CHTF8: variants seen among roughly 807,000 people sequenced by gnomAD.
The protein encoded by CHTF8 is chromosome transmission fidelity factor 8, also known as chromosome transmission fidelity protein 8 homolog.
Under a neutral mutation model 11.0 loss-of-function variants are expected in CHTF8, and 6 were observed. That is an observed-to-expected ratio of 0.55 (90% CI 0.30 to 1.08). The LOEUF is 1.08. Among genes scored for constraint, CHTF8 ranks in the 50% least tolerant of loss-of-function variants. The pLI, the probability that CHTF8 is intolerant of heterozygous loss-of-function variation, is 0.07. For synonymous variants in CHTF8, 53 were observed against 60.5 expected (o/e 0.88, Z 0.57); for missense variants, 140 against 153.1 (o/e 0.91, Z 0.45).
Position 69,120,583 on chromosome 16 carries a change from A to G in CHTF8, c.208T>C (p.Phe70Leu), listed in dbSNP as rs1597108992. 3 of 1,614,054 alleles carry G rather than the reference A, an allele frequency of 1.9e-6. No homozygotes were observed. The South Asian group carries it at 3.3e-5, about 18-fold the overall frequency. Reference protein sequence around the residue: ...YGKIIHLEKPFAVLVKHTPGD... With the variant: ...YGKIIHLEKPLAVLVKHTPGD... ...GGAGTGTGTTTGACAAGGACTGCAA[A>G]AGGTTTCTCCAGGTGGATGATTTTC... The change falls in exon 4 of 4, where the codon TTT becomes CTT. Residue 70 changes from phenylalanine (F) to leucine (L), a missense_variant. Coordinates refer to ENST00000448552, the MANE Select transcript of CHTF8 (RefSeq NM_001039690.5). The surrounding 1 kb of genome is among the most constrained non-coding windows in gnomAD (Gnocchi z 4.0).
Position 69,119,383 on chromosome 16 carries a change from G to A in CHTF8, c.*1042C>T, listed in dbSNP as rs1358679493. ...TACCCCCATGGGGCCAACTGGCCTT[G>A]AGAAATGAGCTGAATTAGGGCCTAT... On this transcript the variant is annotated 3_prime_UTR_variant, in exon 4 of 4. Transcript: ENST00000448552. 3 of 703,018 alleles carry A rather than the reference G, an allele frequency of 4.3e-6. No individual in the cohort carries two copies. The highest frequency in any genetic ancestry group is 7.8e-6 in the Non-Finnish European group (3 of 384,978). The allele number at this position is 703,018 out of a possible 1,614,324, so 43.5% of individuals were successfully genotyped here.
At chr16:69,130,086 T>C (rs1347695045) in intron 1 of CHTF8, among the ~76,000 whole-genome samples, 4 of 152,212 alleles carry the variant, frequency 2.6e-5, no homozygotes, top group African/African-American at 4.8e-5. Context: ...GGTCTCTGAA[T>C]TGTTAAATAT....
Position 69,121,428 on chromosome 16 carries a change from G to GTAC in CHTF8, c.23+5_23+7dup. Reference sequence around the variant, plus strand: ...AAGCCAAATTTTAAAATCTCAAAATGTACTTACCTGGAAATAACAATTTGC... The same window carrying GTAC: ...AAGCCAAATTTTAAAATCTCAAAATGTACTACTTACCTGGAAATAACAATTTGC... On this transcript the variant is annotated splice_region_variant and intron_variant, in intron 2 of 3. Transcript: ENST00000448552. The GTAC allele has an allele frequency of 6.2e-7, 1 of 1,605,838 alleles. No homozygotes were observed. The highest frequency in any genetic ancestry group is 1.3e-5 in the African/African-American group (1 of 74,410).
At chr16:69,128,769 T>C (rs1306866806) in intron 1 of CHTF8, among the ~76,000 whole-genome samples, 1 of 152,080 alleles carries the variant, frequency 6.6e-6, no homozygotes, top group Non-Finnish European at 1.5e-5. Context: ...TTAGTAACTA[T>C]TATTATAAAA....
Position 69,118,331 on chromosome 16 carries a change from C to CCAT in CHTF8, c.*2091_*2093dup, listed in dbSNP as rs1961321010. ...GTGGGTCTTTCTTTGAAGTGGTTGT[C>CCAT]CATCTCCCTGTTCTGTGTTCAAGCC... On this transcript the variant is annotated 3_prime_UTR_variant, in exon 4 of 4. Transcript: ENST00000448552. The CCAT allele has an allele frequency of 2.9e-6, 4 of 1,400,640 alleles. No homozygotes were observed. The highest frequency in any genetic ancestry group is 2.8e-5 in the African/African-American group (2 of 70,914). 86.8% of individuals were successfully genotyped at this position (1,400,640 alleles called of 1,614,324 possible). A position where few individuals can be genotyped will look rare whatever the true frequency, so the allele number is the denominator to read the frequency against.
At chr16:69,127,131 G>A (rs764467032) in intron 1 of CHTF8, among the ~76,000 whole-genome samples, 2 of 151,906 alleles carry the variant, frequency 1.3e-5, no homozygotes, top group Non-Finnish European at 2.9e-5. Context: ...CCAGCTACTC[G>A]GGAGGCTGAG....
chr16:69,122,398 A>C (rs1961742824), intron 1 of CHTF8, among the ~76,000 whole-genome samples: 1 of 151,134 alleles, frequency 6.6e-6, no homozygotes, highest in Non-Finnish European at 1.5e-5. Context: ...CTTGAGACCA[A>C]GTTTCACTTT....
chr16:69,121,895 T>TA (rs1961700512), intron 1 of CHTF8, among the ~76,000 whole-genome samples: 1 of 152,208 alleles, frequency 6.6e-6, no homozygotes, highest in Non-Finnish European at 1.5e-5. Context: ...GGTCTCGATC[T>TA]CCTGACCTCG....
At position 69,120,487 on chromosome 16, in the gene CHTF8, C is replaced by G. The variant is rs1597108750; in HGVS notation, c.304G>C (p.Asp102His). 1.9e-6 allele frequency: 3 copies of G among 1,614,106 alleles called. No homozygotes were observed. The highest frequency in any genetic ancestry group is 2.2e-5 in the South Asian group (2 of 91,082). ...GGGCGGGTTTTGAAAAGGATCTTGT[C>G]TTTGATGAGTGCTGTCACCAGGTAC... Reference protein sequence around the residue: ...TRYLVTALIKDKILFKTRPKP... With the variant: ...TRYLVTALIKHKILFKTRPKP... The change falls in exon 4 of 4, where the codon GAC becomes CAC. Residue 102 changes from aspartate (D) to histidine (H), a missense_variant. Transcript: ENST00000448552. The surrounding 1 kb of genome is among the most constrained non-coding windows in gnomAD (Gnocchi z 4.0).
At chr16:69,129,080 G>A (rs1172977574) in intron 1 of CHTF8, among the ~76,000 whole-genome samples, 2 of 148,382 alleles carry the variant, frequency 1.3e-5, no homozygotes, top group Non-Finnish European at 3.0e-5. Flanking sequence ...CAGACAAACT[G>A]AAACAAAACA....
At chr16:69,129,865 G>A (rs1048494338) in intron 1 of CHTF8, among the ~76,000 whole-genome samples, 4 of 152,232 alleles carry the variant, frequency 2.6e-5, no homozygotes, top group African/African-American at 9.6e-5. Flanking sequence ...TATCTGTGGG[G>A]TAGGCAGCTA....
Position 69,121,421 on chromosome 16 carries a change from T to G in CHTF8, c.23+15A>C. On this transcript the variant is annotated intron_variant, in intron 2 of 3. Transcript: ENST00000448552. The stretch of plus-strand genomic sequence containing the variant: ...TCATTTCAAGCCAAATTTTAAAATC[T>G]CAAAATGTACTTACCTGGAAATAAC... The G allele has an allele frequency of 6.3e-7, 1 of 1,599,084 alleles. No homozygotes were observed. Among genetic ancestry groups the G allele is most frequent in the Non-Finnish European group, 8.5e-7 (1 of 1,175,374 alleles).
chr16:69,121,538 T>A (rs1464718904), intron 1 of CHTF8, 45 bp from the exon 2 acceptor site: 4 of 1,206,784 alleles, frequency 3.3e-6, no homozygotes, highest in Admixed American at 4.4e-5. Flanking sequence ...CAACAACAAC[T>A]AATAATGACA....
At position 69,119,156 on chromosome 16, in the gene CHTF8, T is replaced by A. The variant is rs1380128292; in HGVS notation, c.*1269A>T. ...GGGCCAGTAGACCTTGGGAAGGTAG[T>A]TGGACTTGGACCCTGCAGGCCAGTG... On this transcript the variant is annotated 3_prime_UTR_variant, in exon 4 of 4. Transcript: ENST00000448552. 1.4e-6 allele frequency: 1 copy of A among 702,976 alleles called. No individual in the cohort carries two copies. The highest frequency in any genetic ancestry group is 2.6e-6 in the Non-Finnish European group (1 of 384,996). 43.5% of individuals were successfully genotyped at this position (702,976 alleles called of 1,614,324 possible). A position where few individuals can be genotyped will look rare whatever the true frequency, so the allele number is the denominator to read the frequency against.
At chr16:69,124,133 G>T (rs990649913) in intron 1 of CHTF8, among the ~76,000 whole-genome samples, 1 of 151,706 alleles carries the variant, frequency 6.6e-6, no homozygotes. Flanking sequence ...AGGATAATAT[G>T]CTTTCATTTT....
chr16:69,119,563 G>A lies in CHTF8; in HGVS notation c.*862C>T, dbSNP rs1453983591. ...TCCAGAAGCCTGTGAGAAAGAAGCT[G>A]AATTTGCTCCTAAAAGACCTGCTGC... On this transcript the variant is annotated 3_prime_UTR_variant, in exon 4 of 4. Coordinates refer to ENST00000448552, the MANE Select transcript of CHTF8 (RefSeq NM_001039690.5). 1.4e-6 allele frequency: 1 copy of A among 702,674 alleles called. No homozygotes were observed. Among genetic ancestry groups the A allele is most frequent in the Non-Finnish European group, 2.6e-6 (1 of 384,876 alleles). 43.5% of individuals were successfully genotyped at this position (702,674 alleles called of 1,614,324 possible).
intron 1 of CHTF8, among the ~76,000 whole-genome samples, chr16:69,124,639 T>C (rs2152269443): frequency 6.6e-6 from 1 of 151,864 alleles, no homozygotes; most frequent in East Asian, 2.0e-4. Context: ...CCTCCCAAAG[T>C]ACTGTGTTTA....
In CHTF8 at chr16:69,127,984, G is replaced by A. The variant is rs531189603; in HGVS notation, c.-36+4500C>T. On this transcript the variant is annotated intron_variant, in intron 1 of 3. Transcript: ENST00000448552. ...GGCTGGAGTGCAGTGGCGCAATCTC[G>A]GCTCACTGCAACCTCCGCTGCCCAG... Among the ~76,000 whole-genome samples, 18 of 149,706 alleles carry A rather than the reference G, an allele frequency of 1.2e-4. No individual in the cohort carries two copies. In the South Asian group the frequency reaches 1.9e-3, roughly 16 times the overall value.
At chr16:69,130,166 A>C (rs1265418301) in intron 1 of CHTF8, among the ~76,000 whole-genome samples, 2 of 152,250 alleles carry the variant, frequency 1.3e-5, no homozygotes, top group Admixed American at 1.3e-4. Context: ...TAATCCTTCA[A>C]AATAAAATGT....
Sources: gnomAD v4.1 joint callset for allele counts (sites outside exome capture counted in the v4.1 genomes callset) on GRCh38, gnomAD v4.1.1 for gene constraint, Gnocchi (gnomAD v3.1) non-coding constraint, MANE v1.5 for transcripts, NCBI Gene and HGNC (gene_info 2026-07-23, HGNC 2026-07-21) for gene names.